The following APBB1IP variants were observed in gnomAD, a reference collection of about 807,000 sequenced individuals.
APBB1IP encodes the protein amyloid beta precursor protein binding family B member 1 interacting protein.
In APBB1IP, 27 loss-of-function variants were observed where a neutral mutation model predicts 64.9. The ratio of observed to expected loss-of-function variants is 0.42; its 90% CI spans 0.31 to 0.57. APBB1IP has a LOEUF of 0.57. Among genes scored for constraint, APBB1IP ranks in the 20% least tolerant of loss-of-function variants. The pLI is 0.20. For missense variants in APBB1IP, 812 were observed against 845.5 expected (o/e 0.96, Z 0.49); for synonymous variants, 392 against 331.0 (o/e 1.18, Z -2.00).
intron 3 of APBB1IP, among the ~76,000 whole-genome samples, chr10:26,495,453 A>G (rs1836009475): frequency 6.6e-6 from 1 of 151,524 alleles, no homozygotes; most frequent in African/African-American, 2.4e-5. Context: ...GACCACATTT[A>G]AGTATTGTTA....
chr10:26,472,940 C>G (rs786872), intron 2 of APBB1IP, among the ~76,000 whole-genome samples: 1 of 150,654 alleles, frequency 6.6e-6, no homozygotes, highest in Admixed American at 6.6e-5. Flanking sequence ...TCATCAAAAA[C>G]AAAAAGAAAA....
At chr10:26,511,692 A>T (rs1453636339) in intron 6 of APBB1IP, 55 bp from the exon 7 acceptor site, 2 of 1,599,196 alleles carry the variant, frequency 1.3e-6, no homozygotes, top group Non-Finnish European at 1.7e-6. Context: ...CCCTCATCTT[A>T]GTAGCCTTCT....
At chr10:26,474,029 T>G (rs574802090) in intron 2 of APBB1IP, among the ~76,000 whole-genome samples, 132 of 151,520 alleles carry the variant, frequency 8.7e-4, no homozygotes, top group Non-Finnish European at 1.7e-3. Flanking sequence ...AAAAGTATGT[T>G]CTTGAATAGA....
At chr10:26,532,678 C>T (rs1200112294) in intron 8 of APBB1IP, among the ~76,000 whole-genome samples, 1 of 151,942 alleles carries the variant, frequency 6.6e-6, no homozygotes, top group African/African-American at 2.4e-5. Flanking sequence ...TTAGTAGAGA[C>T]AGGGTCCTAC....
At chr10:26,500,668 A>G in intron 4 of APBB1IP, 151 bp from the exon 5 acceptor site, 2 of 767,758 alleles carry the variant, frequency 2.6e-6, no homozygotes, top group Non-Finnish European at 4.1e-6. Context: ...CGCTTGTGCT[A>G]TTGAATTAAA....
chr10:26,456,730 A>C (rs4747566), intron 2 of APBB1IP, among the ~76,000 whole-genome samples: 48,149 of 117,268 alleles, frequency 0.41, 9,093 homozygotes, highest in South Asian at 0.52. Context: ...CAGAGCAAGA[A>C]CCTGTCTAAA....
intron 6 of APBB1IP, among the ~76,000 whole-genome samples, chr10:26,508,502 AG>A (rs1329000181): frequency 6.6e-6 from 1 of 152,106 alleles, no homozygotes; most frequent in African/African-American, 2.4e-5. Flanking sequence ...AAATTATAAA[AG>A]TTATAAAATC....
chr10:26,526,663 G>A (rs1450126332), intron 8 of APBB1IP, among the ~76,000 whole-genome samples: 1 of 151,734 alleles, frequency 6.6e-6, no homozygotes, highest in Non-Finnish European at 1.5e-5. Flanking sequence ...AAGTTGCGGT[G>A]AGCCGAGACC....
At position 26,530,661 on chromosome 10, in the gene APBB1IP, C is replaced by A. The variant is rs548980690; in HGVS notation, c.814-2778C>A. 4.0e-5 allele frequency among the ~76,000 whole-genome samples: 6 copies of A among 150,842 alleles called. No individual in the cohort carries two copies. The South Asian group carries it at 8.4e-4, about 21-fold the overall frequency. On this transcript the variant is annotated intron_variant, in intron 8 of 14. Transcript: ENST00000376236. ...GCCGAGATCGCGCTACTGCACTCCA[C>A]CCTGGCGACAGAGCAAGACTCTGTC...
chr10:26,525,423 A>ACT (rs1358636360), intron 8 of APBB1IP, among the ~76,000 whole-genome samples: 1 of 151,872 alleles, frequency 6.6e-6, no homozygotes, highest in Admixed American at 6.6e-5. Flanking sequence ...TTCTCTTGTT[A>ACT]CTCTCTCTCT....
At chr10:26,503,955 C>G (rs1836138519) in intron 6 of APBB1IP, among the ~76,000 whole-genome samples, 2 of 152,188 alleles carry the variant, frequency 1.3e-5, no homozygotes, top group Non-Finnish European at 2.9e-5. Flanking sequence ...GCCCTTTCAG[C>G]TCTATCTTAA....
At chr10:26,545,483 G>A (rs1218134760) in intron 11 of APBB1IP, among the ~76,000 whole-genome samples, 2 of 152,070 alleles carry the variant, frequency 1.3e-5, no homozygotes, top group Non-Finnish European at 2.9e-5. Flanking sequence ...AAATTAGGCC[G>A]GGCGCGGTGG....
intron 8 of APBB1IP, among the ~76,000 whole-genome samples, chr10:26,520,504 C>T (rs766948558): frequency 1.3e-5 from 2 of 152,136 alleles, no homozygotes; most frequent in African/African-American, 2.4e-5. Flanking sequence ...ACTTAACAGA[C>T]GTCTTTTACA....
At chr10:26,539,108 T>A (rs1384964082) in intron 10 of APBB1IP, among the ~76,000 whole-genome samples, 1 of 152,076 alleles carries the variant, frequency 6.6e-6, no homozygotes, top group Non-Finnish European at 1.5e-5. Context: ...TAGTATAAAA[T>A]CCTAGAAGAA....
intron 2 of APBB1IP, among the ~76,000 whole-genome samples, chr10:26,448,625 T>C (rs915380817): frequency 6.6e-6 from 1 of 152,226 alleles, no homozygotes. Flanking sequence ...TGCAATTACT[T>C]TGGGGCCTGT....
chr10:26,444,982 C>T (rs1221901394), intron 2 of APBB1IP, among the ~76,000 whole-genome samples: 2 of 151,712 alleles, frequency 1.3e-5, no homozygotes, highest in Non-Finnish European at 2.9e-5. Context: ...CCTGTAGTCC[C>T]AGCTATTCGG....
At chr10:26,535,494 C>T (rs1031650394) in intron 9 of APBB1IP, among the ~76,000 whole-genome samples, 4 of 151,964 alleles carry the variant, frequency 2.6e-5, no homozygotes, top group African/African-American at 7.3e-5. Context: ...TTTAAATGTA[C>T]GATTAAGTTA....
chr10:26,528,997 C>T (rs576190617), intron 8 of APBB1IP, among the ~76,000 whole-genome samples: 18 of 152,290 alleles, frequency 1.2e-4, no homozygotes, highest in African/African-American at 2.6e-4. Flanking sequence ...TATTTCTTCA[C>T]GAACTGATAA....
chr10:26,489,432 A>G (rs1835930267), intron 2 of APBB1IP, among the ~76,000 whole-genome samples: 1 of 152,240 alleles, frequency 6.6e-6, no homozygotes, highest in South Asian at 2.1e-4. Flanking sequence ...AGAAGATTTC[A>G]TTATGTCAGA....
Sources: allele counts gnomAD v4.1 joint callset (sites outside exome capture counted in the v4.1 genomes callset), GRCh38; gene constraint gnomAD v4.1.1; transcripts MANE v1.5; gene names NCBI Gene and HGNC (gene_info 2026-07-23, HGNC 2026-07-21).